The following MLLT3 variants were observed in gnomAD, a reference collection of about 807,000 sequenced individuals.
MLLT3 encodes MLLT3 super elongation complex subunit, also known as protein AF-9.
MLLT3 carries 4 observed loss-of-function variants against 53.2 expected under a neutral mutation model. The observed-to-expected ratio is 0.08, with a 90% CI of 0.04 to 0.17. The LOEUF (loss-of-function observed/expected upper bound fraction) is 0.17. MLLT3 is among the 10% of genes least tolerant of loss of function. The pLI, the probability that MLLT3 is intolerant of heterozygous loss-of-function variation, is 1.00. For missense variants in MLLT3, 569 were observed against 684.0 expected, an observed-to-expected ratio of 0.83 and a Z score of 1.87; for synonymous variants, 283 against 230.6, an observed-to-expected ratio of 1.23 and a Z score of -2.06.
At chr9:20,456,609 A>C in intron 3 of MLLT3, 95 bp downstream of exon 3, 1 of 851,914 alleles carries the variant, frequency 1.2e-6, no homozygotes, top group Non-Finnish European at 1.9e-6. Context: ...AAAATCATCT[A>C]GTGACAGAAG....
intron 2 of MLLT3, among the ~76,000 whole-genome samples, chr9:20,522,505 A>G (rs893592506): frequency 1.3e-5 from 2 of 152,146 alleles, no homozygotes; most frequent in African/African-American, 4.8e-5. Flanking sequence ...ATTGCCTGTC[A>G]ATTTTTTACT....
chr9:20,538,312 T>C (rs1204650224), intron 2 of MLLT3, among the ~76,000 whole-genome samples: 2 of 152,220 alleles, frequency 1.3e-5, no homozygotes, highest in East Asian at 1.9e-4. Context: ...ATTTTACAGA[T>C]AAGGCAATTG....
At chr9:20,604,055 G>A (rs1335823978) in intron 2 of MLLT3, among the ~76,000 whole-genome samples, 1 of 151,994 alleles carries the variant, frequency 6.6e-6, no homozygotes, top group Admixed American at 6.6e-5. Context: ...GAAGCCTCAG[G>A]GCAAACACAC....
At chr9:20,410,822 C>T (rs568883647) in intron 5 of MLLT3, among the ~76,000 whole-genome samples, 6 of 152,214 alleles carry the variant, frequency 3.9e-5, no homozygotes, top group African/African-American at 9.6e-5. Context: ...TATACTGAGG[C>T]GAGATGTTTT....
intron 5 of MLLT3, among the ~76,000 whole-genome samples, chr9:20,386,734 G>A (rs566071896): frequency 2.8e-4 from 42 of 152,196 alleles, no homozygotes; most frequent in African/African-American, 9.9e-4. Flanking sequence ...AATGCTAACC[G>A]GATTTTATGG....
intron 4 of MLLT3, among the ~76,000 whole-genome samples, chr9:20,431,818 A>G (rs1474368785): frequency 6.6e-6 from 1 of 152,226 alleles, no homozygotes; most frequent in Non-Finnish European, 1.5e-5. Context: ...AATAGACAAT[A>G]ATAAAGACAA....
rs189236720 is a variant in MLLT3 at position 20,398,537 on chromosome 9, C to T, written c.1125+15184G>A. Among the ~76,000 whole-genome samples, 22 of 152,162 alleles carry T rather than the reference C, an allele frequency of 1.4e-4. No individual in the cohort carries two copies. In the East Asian group the frequency reaches 1.9e-3, roughly 13 times the overall value. On this transcript the variant is annotated intron_variant, in intron 5 of 10. Transcript: ENST00000380338. ...GTGGGGGAAGCAAGTCCCTTTTACA[C>T]GGTATACAAGGGGCATTTTACCCGT...
chr9:20,584,698 G>A lies in MLLT3; in HGVS notation c.193+35956C>T, dbSNP rs554090620. ...ACAAGAATAGCACAAGAAAGACCAG[G>A]CCCCAAGATTCAATTATCTCCCCCT... On this transcript the variant is annotated intron_variant, in intron 2 of 10. Transcript: ENST00000380338. Among the ~76,000 whole-genome samples, 13 of 152,226 alleles carry A rather than the reference G, an allele frequency of 8.5e-5. 1 individual carries two copies. Among genetic ancestry groups the A allele is most frequent in the African/African-American group, 3.1e-4 (13 of 41,552 alleles).
intron 2 of MLLT3, among the ~76,000 whole-genome samples, chr9:20,619,016 C>T (rs1820914131): frequency 6.6e-6 from 1 of 152,264 alleles, no homozygotes; most frequent in Middle Eastern, 3.4e-3. Flanking sequence ...TACCAAGGAT[C>T]TTAGAAAGTG....
intron 4 of MLLT3, among the ~76,000 whole-genome samples, chr9:20,425,037 G>T (rs1823108883): frequency 6.6e-6 from 1 of 152,122 alleles, no homozygotes; most frequent in Non-Finnish European, 1.5e-5. Context: ...ATAGCACAAT[G>T]TTATCAACCC....
chr9:20,446,632 G>T (rs1472222104), intron 4 of MLLT3, among the ~76,000 whole-genome samples: 1 of 152,120 alleles, frequency 6.6e-6, no homozygotes, highest in South Asian at 2.1e-4. Flanking sequence ...AATCAGAAAT[G>T]TAAAATGCCG....
At chr9:20,369,284 G>C (rs1343257694) in intron 5 of MLLT3, among the ~76,000 whole-genome samples, 1 of 152,118 alleles carries the variant, frequency 6.6e-6, no homozygotes, top group East Asian at 1.9e-4. Context: ...TTTATAAAAA[G>C]CTCACAAGAG....
At chr9:20,482,210 A>AC (rs1318304967) in intron 2 of MLLT3, among the ~76,000 whole-genome samples, 1 of 152,186 alleles carries the variant, frequency 6.6e-6, no homozygotes, top group African/African-American at 2.4e-5. Flanking sequence ...AACAAACCAG[A>AC]CCAAACCAAA....
In MLLT3 at chr9:20,343,560, AGAG is replaced by A. The variant is rs1820793656; in HGVS notation, c.*2880_*2882del. On this transcript the variant is annotated 3_prime_UTR_variant, in exon 11 of 11. Coordinates refer to ENST00000380338, the MANE Select transcript of MLLT3 (RefSeq NM_004529.4). ...CCAACACACATCCTGCTGCAAAACC[AGAG>A]GCAAAAGCTAAGTTATAAGGGGGCA... The A allele has an allele frequency of 4.4e-6, 1 of 229,562 alleles. No homozygotes were observed. The highest frequency in any genetic ancestry group is 8.6e-6 in the Non-Finnish European group (1 of 115,838). 14.2% of individuals were successfully genotyped at this position (229,562 alleles called of 1,614,324 possible).
At position 20,535,191 on chromosome 9, in the gene MLLT3, A is replaced by T. The variant is rs187954586; in HGVS notation, c.194-78405T>A. Among the ~76,000 whole-genome samples the T allele has an allele frequency of 3.9e-5, 6 of 152,222 alleles. No individual in the cohort carries two copies. The East Asian group carries it at 1.2e-3, about 29-fold the overall frequency. ...GTGGCATTAGATTGTTTCTCATAGG[A>T]GTGTGAAACCTCCTGTGAACTGCAC... is the stretch of plus-strand genomic sequence containing the variant. On this transcript the variant is annotated intron_variant, in intron 2 of 10. Coordinates refer to ENST00000380338, the MANE Select transcript of MLLT3 (RefSeq NM_004529.4).
intron 4 of MLLT3, among the ~76,000 whole-genome samples, chr9:20,417,341 A>G (rs1281159320): frequency 6.8e-6 from 1 of 147,908 alleles, no homozygotes; most frequent in Non-Finnish European, 1.5e-5. Flanking sequence ...AGCCTATCTG[A>G]TATTTACATA....
Position 20,360,798 on chromosome 9 carries a change from A to G in MLLT3, c.1375T>C (p.Ser459Pro). 1.9e-6 allele frequency: 3 copies of G among 1,614,118 alleles called. No homozygotes were observed. Among genetic ancestry groups the G allele is most frequent in the Middle Eastern group, 3.3e-4 (2 of 6,062 alleles). Residue 459 changes from serine (S) to proline (P), a missense_variant, in exon 8 of 11, where the codon TCT (serine) becomes CCT (proline). Ser to Pro is a moderately conservative substitution (Grantham distance 74). Coordinates refer to ENST00000380338, the MANE Select transcript of MLLT3 (RefSeq NM_004529.4). Reference protein sequence around the residue: ...DGSDSESSSASSPLHHEPPPP... With the variant: ...DGSDSESSSAPSPLHHEPPPP... ...GGAGGTTCGTGATGTAGGGGTGAAG[A>G]AGCAGAACTGCTTTCACTATCGCTG...
rs116782392 is a variant in MLLT3 at position 20,621,645 on chromosome 9, C to T, written c.12+600G>A. ...AATGAAATTCAGAAAGGCAGGGCGG[C>T]GGGCGGACAGCCGCCGAGCCTCGGC... On this transcript the variant is annotated intron_variant, in intron 1 of 10. Transcript: ENST00000380338. This position sits in a 1 kb window ranked among gnomAD's most constrained non-coding sequence, Gnocchi z 7.0. 57,531 of 883,412 alleles carry T rather than the reference C, an allele frequency of 0.065. 3,356 individuals carry two copies. Among genetic ancestry groups the T allele is most frequent in the East Asian group, 0.32 (9,739 of 30,440 alleles). The allele number at this position is 883,412 out of a possible 1,614,324, so 54.7% of individuals were successfully genotyped here. A position where few individuals can be genotyped will look rare whatever the true frequency, so the allele number is the denominator to read the frequency against.
rs1821012680 is a variant in MLLT3, at chr9:20,621,621, A to G, written c.12+624T>C. ...AGTATCTCCCACCTCCCCCCAAAAA[A>G]TGAAATTCAGAAAGGCAGGGCGGCG... On this transcript the variant is annotated intron_variant, in intron 1 of 10. Coordinates refer to ENST00000380338, the MANE Select transcript of MLLT3 (RefSeq NM_004529.4). This position sits in a 1 kb window ranked among gnomAD's most constrained non-coding sequence, Gnocchi z 7.0. 6.6e-6 allele frequency among the ~76,000 whole-genome samples: 1 copy of G among 151,686 alleles called. No homozygotes were observed. Among genetic ancestry groups the G allele is most frequent in the Non-Finnish European group, 1.5e-5 (1 of 67,844 alleles).
Sources: gnomAD v4.1 joint callset for allele counts (sites outside exome capture counted in the v4.1 genomes callset) on GRCh38, gnomAD v4.1.1 for gene constraint, Gnocchi (gnomAD v3.1) non-coding constraint, MANE v1.5 for transcripts, NCBI Gene and HGNC (gene_info 2026-07-23, HGNC 2026-07-21) for gene names.